FAM107B: variants seen among roughly 807,000 people sequenced by gnomAD.
FAM107B encodes family with sequence similarity 107 member B.
Under a neutral mutation model 31.5 loss-of-function variants are expected in FAM107B, and 21 were observed. The ratio of observed to expected loss-of-function variants is 0.67; its 90% confidence interval spans 0.47 to 0.96. The LOEUF (loss-of-function observed/expected upper bound fraction) is 0.96. Ranked by LOEUF, FAM107B falls within the 40% of genes least tolerant of loss-of-function variation. The pLI is 0.00. For synonymous variants in FAM107B, 157 were observed against 141.5 expected, an observed-to-expected ratio of 1.11 and a Z score of -0.78; for missense variants, 452 against 377.1, an observed-to-expected ratio of 1.20 and a Z score of -1.64.
intron 2 of FAM107B, among the ~76,000 whole-genome samples, chr10:14,580,031 A>AG (rs1162440718): frequency 8.2e-4 from 124 of 152,068 alleles, no homozygotes; most frequent in Non-Finnish European, 1.6e-3. Context: ...AAAAAAAAAA[A>AG]AAAGTCATAC....
intron 2 of FAM107B, among the ~76,000 whole-genome samples, chr10:14,574,525 G>A (rs910287456): frequency 6.6e-6 from 1 of 152,212 alleles, no homozygotes; most frequent in Non-Finnish European, 1.5e-5. Context: ...CCATGTGGCT[G>A]ATCACAACTG....
chr10:14,611,951 A>T (rs1279719785), intron 2 of FAM107B, among the ~76,000 whole-genome samples: 1 of 152,002 alleles, frequency 6.6e-6, no homozygotes, highest in Non-Finnish European at 1.5e-5. Context: ...GTCCTTATAC[A>T]TGTGTGTATA....
intron 2 of FAM107B, among the ~76,000 whole-genome samples, chr10:14,633,517 C>G (rs1323327121): frequency 6.6e-6 from 1 of 152,154 alleles, no homozygotes; most frequent in Non-Finnish European, 1.5e-5. Context: ...TTCATTGATT[C>G]ATTCTTACAT....
chr10:14,615,851 T>A (rs184391025), intron 2 of FAM107B, among the ~76,000 whole-genome samples: 8 of 152,344 alleles, frequency 5.3e-5, no homozygotes, highest in Non-Finnish European at 2.9e-5. Flanking sequence ...CTTGTCAACT[T>A]TGAAGGCAGG....
intron 1 of FAM107B, among the ~76,000 whole-genome samples, chr10:14,721,730 A>G (rs1855917185): frequency 1.3e-5 from 2 of 152,176 alleles, no homozygotes; most frequent in Admixed American, 1.3e-4. Context: ...AGTTCTCTGT[A>G]GATTCTGGAT....
At chr10:14,664,638 G>T (rs1224910007) in intron 2 of FAM107B, among the ~76,000 whole-genome samples, 1 of 152,124 alleles carries the variant, frequency 6.6e-6, no homozygotes, top group Admixed American at 6.5e-5. Context: ...TACCATCTAG[G>T]TTTGTGTAAG....
rs541080501 is a variant in FAM107B at position 14,690,698 on chromosome 10, C to A, written c.412-23007G>T. Reference sequence around the variant, plus strand: ...CGATCTCCTGACCTTGTGATCCCCCCACCTCTGCCTCCCAAAGTGCTGGGA... The same window carrying A: ...CGATCTCCTGACCTTGTGATCCCCCAACCTCTGCCTCCCAAAGTGCTGGGA... On this transcript the variant is annotated intron_variant, in intron 1 of 4. Coordinates refer to ENST00000181796, the MANE Select transcript of FAM107B (RefSeq NM_031453.4). 4.1e-3 allele frequency among the ~76,000 whole-genome samples: 626 copies of A among 152,258 alleles called. 1 individual carries two copies. Among genetic ancestry groups the A allele is most frequent in the Non-Finnish European group, 6.1e-3 (418 of 68,020 alleles).
At chr10:14,559,483 G>A (rs1210708910) in intron 2 of FAM107B, among the ~76,000 whole-genome samples, 2 of 149,144 alleles carry the variant, frequency 1.3e-5, no homozygotes, top group African/African-American at 2.5e-5. Flanking sequence ...AAAAAAAAAA[G>A]AGGAGGCAAC....
At chr10:14,772,204 C>A (rs986774260) in intron 1 of FAM107B, among the ~76,000 whole-genome samples, 3 of 151,884 alleles carry the variant, frequency 2.0e-5, no homozygotes, top group African/African-American at 7.3e-5. Flanking sequence ...AATACAAAAA[C>A]TTAGCTGGGC....
intron 1 of FAM107B, among the ~76,000 whole-genome samples, chr10:14,770,320 C>A (rs78346764): frequency 6.6e-5 from 10 of 152,026 alleles, no homozygotes; most frequent in Non-Finnish European, 1.0e-4. Flanking sequence ...GTCAGGAATT[C>A]GAGATCAGGC....
intron 2 of FAM107B, chr10:14,604,341 C>T (rs1161044990): frequency 1.2e-6 from 1 of 809,816 alleles, no homozygotes; most frequent in Non-Finnish European, 1.5e-6. Context: ...CGAGGCGGCG[C>T]GAGGGCGGCT....
chr10:14,572,108 A>G, intron 2 of FAM107B: 1 of 985,452 alleles, frequency 1.0e-6, no homozygotes, highest in African/African-American at 1.7e-5. Flanking sequence ...AAGTTCAAAG[A>G]GAAACACTCT....
intron 3 of FAM107B, chr10:14,527,881 G>T (rs1017153156): frequency 8.4e-6 from 2 of 236,856 alleles, no homozygotes; most frequent in Non-Finnish European, 1.7e-5. Context: ...TAAAAGGAAA[G>T]AAACTGAGAA....
chr10:14,566,863 G>C (rs1438600569), intron 2 of FAM107B, among the ~76,000 whole-genome samples: 1 of 152,180 alleles, frequency 6.6e-6, no homozygotes. Flanking sequence ...GTTTACATCG[G>C]AGGTGGGGCC....
chr10:14,586,996 C>G lies in FAM107B; in HGVS notation c.470-56481G>C, dbSNP rs907010362. ...GAGTCCTATGAGAATGGAATAGTCT[C>G]GCCCATCAGGTGAGAGTGTAAACAA... On this transcript the variant is annotated intron_variant, in intron 2 of 4. Transcript: ENST00000181796. Among the ~76,000 whole-genome samples the G allele has an allele frequency of 2.2e-4, 33 of 152,200 alleles. 1 individual carries two copies. The highest frequency in any genetic ancestry group is 2.9e-5 in the Non-Finnish European group (2 of 68,024).
At chr10:14,640,863 G>A (rs1279768450) in intron 2 of FAM107B, among the ~76,000 whole-genome samples, 4 of 152,092 alleles carry the variant, frequency 2.6e-5, no homozygotes, top group Non-Finnish European at 4.4e-5. Context: ...TTTTCTTCAA[G>A]GGGACTGCCC....
intron 1 of FAM107B, among the ~76,000 whole-genome samples, chr10:14,692,397 T>C (rs184954317): frequency 6.6e-6 from 1 of 152,236 alleles, no homozygotes; most frequent in East Asian, 1.9e-4. Flanking sequence ...TGAGTGGGGC[T>C]GAGGGTGGGG....
At chr10:14,522,293 G>A in intron 3 of FAM107B, 1 of 398,952 alleles carries the variant, frequency 2.5e-6, no homozygotes, top group East Asian at 5.1e-5. Context: ...ACGCAAAGGA[G>A]GGCAGTGAGG....
chr10:14,759,241 G>C (rs1259006372), intron 1 of FAM107B, among the ~76,000 whole-genome samples: 1 of 151,208 alleles, frequency 6.6e-6, no homozygotes, highest in African/African-American at 2.5e-5. Flanking sequence ...CAAAGGTCTG[G>C]GCTGCTGACA....
Sources: allele counts gnomAD v4.1 joint callset (sites outside exome capture counted in the v4.1 genomes callset), GRCh38; gene constraint gnomAD v4.1.1; transcripts MANE v1.5; gene names NCBI Gene and HGNC (gene_info 2026-07-23, HGNC 2026-07-21).